The following AKT3 variants were observed in gnomAD, a reference collection of about 807,000 sequenced individuals.
AKT3 encodes the protein RAC-gamma serine/threonine-protein kinase.
A neutral mutation model predicts 65.3 loss-of-function variants in AKT3; 15 were observed. The observed-to-expected ratio is 0.23, with a 90% CI of 0.15 to 0.35. The LOEUF (loss-of-function observed/expected upper bound fraction) is 0.35. Among genes scored for constraint, AKT3 ranks in the 10% least tolerant of loss-of-function variants. AKT3 has a pLI of 1.00. For synonymous variants in AKT3, 206 were observed against 183.8 expected (o/e 1.12, Z -0.98); for missense variants, 243 against 576.5 (o/e 0.42, Z 5.92).
chr1:243,566,337 A>AC (rs1207701439), intron 9 of AKT3, among the ~76,000 whole-genome samples: 1 of 152,198 alleles, frequency 6.6e-6, no homozygotes, highest in African/African-American at 2.4e-5. Flanking sequence ...GCTGAGGGTG[A>AC]CCAACTCCCA....
intron 5 of AKT3, among the ~76,000 whole-genome samples, chr1:243,643,947 A>G (rs74153932): frequency 0.01 from 1,533 of 152,308 alleles, 20 homozygotes; most frequent in African/African-American, 0.035. Flanking sequence ...TGACAGTAAT[A>G]TTTTACCACT....
At chr1:243,744,863 T>C (rs1298061291) in intron 2 of AKT3, among the ~76,000 whole-genome samples, 3 of 152,076 alleles carry the variant, frequency 2.0e-5, no homozygotes, top group Non-Finnish European at 4.4e-5. Flanking sequence ...ATTTCTGAAA[T>C]GGCTATTCTC....
At chr1:243,540,411 C>T (rs755263239) in intron 12 of AKT3, among the ~76,000 whole-genome samples, 5 of 152,104 alleles carry the variant, frequency 3.3e-5, no homozygotes, top group Non-Finnish European at 7.4e-5. Context: ...TTTAAAAACT[C>T]TCAGTAACCT....
intron 2 of AKT3, chr1:243,741,854 C>T (rs1688170125): frequency 6.6e-6 from 1 of 151,932 alleles, no homozygotes. Flanking sequence ...TACTTTTGTG[C>T]AAAGAATTAG....
chr1:243,742,175 G>A (rs1354960928), intron 2 of AKT3, among the ~76,000 whole-genome samples: 1 of 151,836 alleles, frequency 6.6e-6, no homozygotes, highest in Non-Finnish European at 1.5e-5. Context: ...AAGGGACCTA[G>A]AACCAATCCC....
chr1:243,696,421 G>A lies in AKT3; in HGVS notation c.47-705C>T, dbSNP rs111475570. ...AGAACTTAACATAAGGTACCACCTA[G>A]CCACCAAAATACACATTTTTAGCAA... On this transcript the variant is annotated intron_variant, in intron 2 of 13. Transcript: ENST00000673466. Among the ~76,000 whole-genome samples, 106 of 151,908 alleles carry A rather than the reference G, an allele frequency of 7.0e-4. 2 individuals carry two copies. Among genetic ancestry groups the A allele is most frequent in the African/African-American group, 2.4e-3 (99 of 41,474 alleles).
rs1669524902 is a variant in AKT3 at position 243,504,245 on chromosome 1, TA to T, written c.*1003del. 4.7e-6 allele frequency: 1 copy of T among 211,102 alleles called. No homozygotes were observed. Among genetic ancestry groups the T allele is most frequent in the African/African-American group, 2.3e-5 (1 of 44,100 alleles). The allele number at this position is 211,102 out of a possible 1,614,324, so 13.1% of individuals were successfully genotyped here. A position where few individuals can be genotyped will look rare whatever the true frequency, so the allele number is the denominator to read the frequency against. On this transcript the variant is annotated 3_prime_UTR_variant, in exon 14 of 14. Coordinates refer to ENST00000673466, the MANE Select transcript of AKT3 (RefSeq NM_005465.7). Reference sequence around the variant, plus strand: ...CTAAAAAATAAATACTACTGCAATATAAACAAAATCATAAAAGGACATTCAA... The same window carrying T: ...CTAAAAAATAAATACTACTGCAATATAACAAAATCATAAAAGGACATTCAA...
chr1:243,497,585 A>G (rs920405824), downstream of AKT3, among the ~76,000 whole-genome samples: 10 of 152,110 alleles, frequency 6.6e-5, no homozygotes, highest in African/African-American at 2.2e-4. Context: ...ATAGTGATAA[A>G]TTGCTAGGTG....
At chr1:243,586,720 T>A (rs1206636682) in intron 8 of AKT3, among the ~76,000 whole-genome samples, 7 of 151,916 alleles carry the variant, frequency 4.6e-5, no homozygotes, top group Admixed American at 4.6e-4. Context: ...AACTGGAAAC[T>A]ACTAGAGGAG....
At chr1:243,836,871 C>A (rs1694927933) in intron 2 of AKT3, among the ~76,000 whole-genome samples, 1 of 144,934 alleles carries the variant, frequency 6.9e-6, no homozygotes, top group Non-Finnish European at 1.5e-5. Flanking sequence ...GAGACTGCGC[C>A]ACTGCACTCC....
chr1:243,655,524 C>T (rs570072348), intron 4 of AKT3, among the ~76,000 whole-genome samples: 2 of 151,856 alleles, frequency 1.3e-5, no homozygotes, highest in Non-Finnish European at 2.9e-5. Flanking sequence ...GTCCTGGACA[C>T]AACACATGAA....
chr1:243,554,626 A>C (rs958825754), intron 10 of AKT3, among the ~76,000 whole-genome samples: 5 of 152,214 alleles, frequency 3.3e-5, no homozygotes, highest in African/African-American at 1.2e-4. Flanking sequence ...ATGGCCAATT[A>C]GTACAATGCA....
chr1:243,583,522 C>T (rs1250475128), intron 8 of AKT3, among the ~76,000 whole-genome samples: 6 of 135,552 alleles, frequency 4.4e-5, no homozygotes, highest in South Asian at 2.3e-4. Context: ...ACCACATGCT[C>T]GTCCTTAAAG....
At chr1:243,547,162 C>G (rs113731427) in intron 11 of AKT3, among the ~76,000 whole-genome samples, 12 of 151,810 alleles carry the variant, frequency 7.9e-5, no homozygotes, top group African/African-American at 2.6e-4. Context: ...TCCACTGTGG[C>G]CAGTTTCGAG....
chr1:243,629,964 A>G (rs1679482154), intron 6 of AKT3, among the ~76,000 whole-genome samples: 1 of 152,142 alleles, frequency 6.6e-6, no homozygotes, highest in Admixed American at 6.5e-5. Context: ...TATTCCCCAG[A>G]AAAAAGTCCC....
At chr1:243,808,196 T>C (rs537364666) in intron 2 of AKT3, 4 of 152,062 alleles carry the variant, frequency 2.6e-5, no homozygotes, top group African/African-American at 9.6e-5. Context: ...CTTTGACGAG[T>C]TGAGAGCAGA....
At chr1:243,774,007 G>C (rs1690376994) in intron 2 of AKT3, among the ~76,000 whole-genome samples, 1 of 152,058 alleles carries the variant, frequency 6.6e-6, no homozygotes, top group Non-Finnish European at 1.5e-5. Flanking sequence ...AGAGTGAACA[G>C]AGAAGGATCT....
At chr1:243,619,758 T>C (rs1048814152) in intron 6 of AKT3, among the ~76,000 whole-genome samples, 2 of 99,182 alleles carry the variant, frequency 2.0e-5, no homozygotes, top group African/African-American at 5.2e-5. Flanking sequence ...GGCACTTAGG[T>C]TGATTACATA....
chr1:243,812,623 G>A (rs577048596), intron 2 of AKT3, among the ~76,000 whole-genome samples: 20 of 152,176 alleles, frequency 1.3e-4, no homozygotes, highest in African/African-American at 4.3e-4. Flanking sequence ...GATTCCTCAG[G>A]GATCTAGAAC....
Sources: gnomAD v4.1 joint callset for allele counts (sites outside exome capture counted in the v4.1 genomes callset) on GRCh38, gnomAD v4.1.1 for gene constraint, MANE v1.5 for transcripts, NCBI Gene and HGNC (gene_info 2026-07-23, HGNC 2026-07-21) for gene names.